ENOSF1: variants seen among roughly 807,000 people sequenced by gnomAD.
ENOSF1 encodes enolase superfamily member 1.
In ENOSF1, 73 loss-of-function variants were observed where a neutral mutation model predicts 68.2. The observed-to-expected ratio is 1.07, with a 90% CI of 0.89 to 1.30. The LOEUF (loss-of-function observed/expected upper bound fraction) is 1.30, where lower values mean the gene tolerates loss of function less well. ENOSF1 is among the 50% of genes most tolerant of loss of function. ENOSF1 has a pLI of 0.00. For synonymous variants in ENOSF1, 223 were observed against 210.4 expected, an observed-to-expected ratio of 1.06 and a Z score of -0.52; for missense variants, 589 against 554.5, an observed-to-expected ratio of 1.06 and a Z score of -0.62.
At chr18:696,367 A>C (rs1431708249) in intron 3 of ENOSF1, among the ~76,000 whole-genome samples, 1 of 151,844 alleles carries the variant, frequency 6.6e-6, no homozygotes, top group Admixed American at 6.6e-5. Context: ...GCCCGCCACC[A>C]TGCCCGGCTA....
intron 11 of ENOSF1, among the ~76,000 whole-genome samples, chr18:679,272 T>G (rs1313003460): frequency 6.7e-6 from 1 of 149,510 alleles, no homozygotes; most frequent in African/African-American, 2.5e-5. Context: ...TGCAGTGGCA[T>G]GATCTTAGCT....
chr18:672,899 C>T lies in ENOSF1; in HGVS notation c.*1406G>A. The T allele has an allele frequency of 2.5e-6, 4 of 1,597,748 alleles. No homozygotes were observed. Among genetic ancestry groups the T allele is most frequent in the Non-Finnish European group, 3.4e-6 (4 of 1,167,228 alleles). The stretch of plus-strand genomic sequence containing the variant: ...CAGACCTTTCCCAAAGCTCAGGATT[C>T]TTCGAAAAGTTGAGAAAATTGATGA... On this transcript the variant is annotated 3_prime_UTR_variant, in exon 16 of 16. Transcript: ENST00000647584.
chr18:685,790 G>A, intron 10 of ENOSF1, 131 bp downstream of exon 10: 1 of 741,720 alleles, frequency 1.3e-6, no homozygotes, highest in Non-Finnish European at 2.3e-6. Context: ...CTCGCCTACT[G>A]CAAGACCACA....
chr18:698,675 C>A (rs2078002545), intron 2 of ENOSF1, among the ~76,000 whole-genome samples: 1 of 152,120 alleles, frequency 6.6e-6, no homozygotes, highest in African/African-American at 2.4e-5. Flanking sequence ...GCCTGGAGTG[C>A]AGTGGCGGGA....
chr18:668,221 A>C (rs909894150), downstream of ENOSF1, among the ~76,000 whole-genome samples: 1 of 151,130 alleles, frequency 6.6e-6, no homozygotes, highest in African/African-American at 2.4e-5. Flanking sequence ...TACACTACCA[A>C]GGTTCATCTT....
At position 677,796 on chromosome 18, in the gene ENOSF1, A is replaced by T. The variant is rs913894727; in HGVS notation, c.995T>A (p.Leu332Gln). Reference sequence around the variant, plus strand: ...TGAGAGGTTCTCATTGACACTGCCCAGTCTGCAACTGTCAATCTGGAGGAA... The same window carrying T: ...TGAGAGGTTCTCATTGACACTGCCCTGTCTGCAACTGTCAATCTGGAGGAA... ...LQFLQIDSCR[L>Q]GSVNENLSVL... Residue 332 changes from leucine (L) to glutamine (Q), a missense_variant, in exon 13 of 16, where the codon CTG becomes CAG. By Grantham distance (113) the Leu-to-Gln change is moderately radical. Coordinates refer to ENST00000647584, the MANE Select transcript of ENOSF1 (RefSeq NM_017512.7). The T allele has an allele frequency of 6.2e-7, 1 of 1,614,070 alleles. No individual in the cohort carries two copies. Among genetic ancestry groups the T allele is most frequent in the Non-Finnish European group, 8.5e-7 (1 of 1,180,034 alleles).
rs1003809286 is a variant in ENOSF1 at position 672,712 on chromosome 18, A to G, written c.*1593T>C. 3.1e-5 allele frequency: 26 copies of G among 832,578 alleles called. No individual in the cohort carries two copies. In the African/African-American group the frequency reaches 3.2e-4, roughly 10 times the overall value. 51.6% of individuals were successfully genotyped at this position (832,578 alleles called of 1,614,324 possible). A position where few individuals can be genotyped will look rare whatever the true frequency, so the allele number is the denominator to read the frequency against. ...GCTGGTTGCGCTCCAATCATGTTAC[A>G]TAACCTACGGCAAGGTATCGACAGG... is the stretch of plus-strand genomic sequence containing the variant. On this transcript the variant is annotated 3_prime_UTR_variant, in exon 16 of 16. Transcript: ENST00000647584.
chr18:711,947 G>T (rs2079597708), intron 1 of ENOSF1, among the ~76,000 whole-genome samples: 1 of 152,150 alleles, frequency 6.6e-6, no homozygotes. Context: ...GTGGAAGCGG[G>T]ATCACCACTC....
At position 706,515 on chromosome 18, in the gene ENOSF1, T is replaced by C. The variant is rs974805680; in HGVS notation, c.148A>G (p.Lys50Glu). 9 of 1,613,938 alleles carry C rather than the reference T, an allele frequency of 5.6e-6. No individual in the cohort carries two copies. The highest frequency in any genetic ancestry group is 1.6e-4 in the Middle Eastern group (1 of 6,062). ...AGAGTGAAGGTAATTCCACACCCCT[T>C]GATTCCATCTTCTGCATCAGTTTCT... Reference protein sequence around the residue: ...VIETDAEDGIKGCGITFTLGK... With the variant: ...VIETDAEDGIEGCGITFTLGK... The change falls in exon 2 of 16, where the codon AAG becomes GAG. Residue 50 changes from lysine (K) to glutamate (E), a missense_variant. Transcript: ENST00000647584.
At chr18:703,916 C>G (rs764180298) in intron 2 of ENOSF1, among the ~76,000 whole-genome samples, 8 of 152,054 alleles carry the variant, frequency 5.3e-5, no homozygotes, top group Non-Finnish European at 1.0e-4. Context: ...GATCTGGTGA[C>G]TTAAAAGTGT....
rs112746580 is a variant in ENOSF1 at position 689,142 on chromosome 18, C to T, written c.619-534G>A. Among the ~76,000 whole-genome samples, 718 of 152,326 alleles carry T rather than the reference C, an allele frequency of 4.7e-3. 5 individuals are homozygous for T. Among genetic ancestry groups the T allele is most frequent in the African/African-American group, 0.016 (675 of 41,578 alleles). ...TCTCGCAGTGGGTCTACCGCTGGTG[C>T]TGCCCAGGAATCTTACCCTAGGCTG... On this transcript the variant is annotated intron_variant, in intron 8 of 15. Coordinates refer to ENST00000647584, the MANE Select transcript of ENOSF1 (RefSeq NM_017512.7).
Position 691,063 on chromosome 18 carries a change from C to T in ENOSF1, c.535+5G>A. ...AACAATGAAGAAAATTTTCTTACAA[C>T]CCACCTCTTTCTTTTTTACCAATTT... On this transcript the variant is annotated splice_donor_5th_base_variant and intron_variant, in intron 7 of 15. Transcript: ENST00000647584. The T allele has an allele frequency of 6.2e-7, 1 of 1,614,108 alleles. No homozygotes were observed.
rs901158961 is a variant in ENOSF1 at position 702,862 on chromosome 18, A to G, written c.193+3608T>C. ...ACCCAACCAAAAACTACATTGGTAT[A>G]TTCTATACATTTGAAAAACAACCCT... On this transcript the variant is annotated intron_variant, in intron 2 of 15. Coordinates refer to ENST00000647584, the MANE Select transcript of ENOSF1 (RefSeq NM_017512.7). Among the ~76,000 whole-genome samples, 13 of 152,366 alleles carry G rather than the reference A, an allele frequency of 8.5e-5. No individual in the cohort carries two copies. In the South Asian group the frequency reaches 2.7e-3, roughly 32 times the overall value.
downstream of ENOSF1, among the ~76,000 whole-genome samples, chr18:667,441 GT>G (rs1333621504): frequency 8.9e-4 from 1 of 1,126 alleles, no homozygotes; most frequent in African/African-American, 5.2e-3. Flanking sequence ...GATGGTGATG[GT>G]GATGGTGATG....
At chr18:684,902 C>A (rs2076469989) in intron 10 of ENOSF1, among the ~76,000 whole-genome samples, 1 of 152,026 alleles carries the variant, frequency 6.6e-6, no homozygotes, top group Non-Finnish European at 1.5e-5. Flanking sequence ...ACTCTGTTGC[C>A]CATGCTGGAG....
intron 2 of ENOSF1, among the ~76,000 whole-genome samples, chr18:702,274 A>AC (rs1207215962): frequency 6.8e-6 from 1 of 146,854 alleles, no homozygotes; most frequent in Non-Finnish European, 1.5e-5. Flanking sequence ...CAAAAAAAAA[A>AC]AAAAAAAAAA....
intron 3 of ENOSF1, among the ~76,000 whole-genome samples, chr18:696,204 CTTT>C (rs368856668): frequency 3.5e-4 from 42 of 118,682 alleles, no homozygotes; most frequent in South Asian, 5.6e-4. Flanking sequence ...ACATCTCTCT[CTTT>C]TTTTTTTTTT....
At chr18:684,988 T>G (rs896726420) in intron 10 of ENOSF1, among the ~76,000 whole-genome samples, 1 of 151,342 alleles carries the variant, frequency 6.6e-6, no homozygotes, top group Non-Finnish European at 1.5e-5. Flanking sequence ...TCTTCCAAAG[T>G]AGGAGGGATT....
Position 702,351 on chromosome 18 carries a change from T to A in ENOSF1, c.193+4119A>T, listed in dbSNP as rs552462004. Among the ~76,000 whole-genome samples the A allele has an allele frequency of 3.4e-5, 5 of 149,232 alleles. No individual in the cohort carries two copies. In the East Asian group the frequency reaches 1.0e-3, roughly 30 times the overall value. On this transcript the variant is annotated intron_variant, in intron 2 of 15. Transcript: ENST00000647584. Reference sequence around the variant, plus strand: ...ACTTTGGGAGGCCAAAGTGGGTGGATCACCTGAGGTCAGGAGTTTGAGACC... The same window carrying A: ...ACTTTGGGAGGCCAAAGTGGGTGGAACACCTGAGGTCAGGAGTTTGAGACC...
Sources: gnomAD v4.1 joint callset for allele counts (sites outside exome capture counted in the v4.1 genomes callset) on GRCh38, gnomAD v4.1.1 for gene constraint, MANE v1.5 for transcripts, NCBI Gene and HGNC (gene_info 2026-07-23, HGNC 2026-07-21) for gene names.